The following DLGAP2 variants were observed in gnomAD, a reference collection of about 807,000 sequenced individuals.
DLGAP2 encodes the protein DLG associated protein 2, also known as disks large-associated protein 2.
In DLGAP2, 26 loss-of-function variants were observed where a neutral mutation model predicts 100.3. That is an observed-to-expected ratio of 0.26 (90% CI 0.19 to 0.36). DLGAP2 has a LOEUF of 0.36. Among genes scored for constraint, DLGAP2 ranks in the 10% least tolerant of loss-of-function variants. The probability of loss-of-function intolerance (pLI) is 1.00; values close to 1 mark genes in which losing one functional copy is unlikely to be tolerated. For missense variants in DLGAP2, 1,858 were observed against 1,453.2 expected (o/e 1.28, Z -4.53); for synonymous variants, 886 against 630.1 (o/e 1.41, Z -6.08).
intron 3 of DLGAP2, among the ~76,000 whole-genome samples, chr8:1,264,829 G>A (rs908693752): frequency 1.3e-5 from 2 of 152,178 alleles, no homozygotes; most frequent in African/African-American, 2.4e-5. Flanking sequence ...CCATGGGAGG[G>A]ACCCAGTGGG....
chr8:1,520,209 G>T (rs1800541356), intron 4 of DLGAP2, among the ~76,000 whole-genome samples: 2 of 152,226 alleles, frequency 1.3e-5, no homozygotes, highest in African/African-American at 4.8e-5. Context: ...CACAATGGCT[G>T]AGGAGAAGAA....
chr8:881,728 A>C (rs1233989814), intron 1 of DLGAP2, among the ~76,000 whole-genome samples: 1 of 142,754 alleles, frequency 7.0e-6, no homozygotes, highest in Non-Finnish European at 1.5e-5. Flanking sequence ...CATGTTGGCC[A>C]GGCTGGTCTC....
intron 3 of DLGAP2, among the ~76,000 whole-genome samples, chr8:1,277,751 C>T (rs899351847): frequency 6.6e-6 from 1 of 152,240 alleles, no homozygotes; most frequent in African/African-American, 2.4e-5. Context: ...TCAGGGAGCA[C>T]CCCCACCCTT....
At chr8:1,346,013 G>A (rs1033422499) in intron 3 of DLGAP2, among the ~76,000 whole-genome samples, 1 of 152,230 alleles carries the variant, frequency 6.6e-6, no homozygotes, top group Non-Finnish European at 1.5e-5. Context: ...CCTGTGTCCA[G>A]TGCAGATGGG....
At chr8:1,424,379 T>C (rs1797182672) in intron 3 of DLGAP2, among the ~76,000 whole-genome samples, 1 of 152,232 alleles carries the variant, frequency 6.6e-6, no homozygotes, top group Admixed American at 6.5e-5. Flanking sequence ...CATTTTTCTT[T>C]GGCCAGAGCA....
chr8:1,639,211 A>G (rs1171858710), intron 8 of DLGAP2, among the ~76,000 whole-genome samples: 2 of 152,004 alleles, frequency 1.3e-5, no homozygotes, highest in Non-Finnish European at 2.9e-5. Context: ...GGGTATAGAA[A>G]GAGAAGAGGC....
At chr8:1,267,827 G>C (rs946874767) in intron 3 of DLGAP2, among the ~76,000 whole-genome samples, 5 of 151,950 alleles carry the variant, frequency 3.3e-5, no homozygotes, top group Non-Finnish European at 5.9e-5. Flanking sequence ...CTGGTTCTAT[G>C]GGAATTCTGA....
chr8:1,633,080 G>T (rs1156392009), intron 8 of DLGAP2, 34 bp downstream of exon 8: 6 of 1,607,456 alleles, frequency 3.7e-6, no homozygotes, highest in Non-Finnish European at 5.1e-6. Context: ...TTCCAGCGGG[G>T]ACTCTAGAGG....
chr8:1,268,156 G>T (rs1011240876), intron 3 of DLGAP2, among the ~76,000 whole-genome samples: 1 of 152,144 alleles, frequency 6.6e-6, no homozygotes, highest in Non-Finnish European at 1.5e-5. Context: ...AATATCAGAG[G>T]TTCAGGTATT....
chr8:1,415,034 A>T (rs1796840263), intron 3 of DLGAP2, among the ~76,000 whole-genome samples: 1 of 152,024 alleles, frequency 6.6e-6, no homozygotes, highest in South Asian at 2.1e-4. Flanking sequence ...AAGAAAAAAA[A>T]TCAAGCATTT....
intron 1 of DLGAP2, among the ~76,000 whole-genome samples, chr8:803,001 C>T (rs985463471): frequency 6.6e-6 from 1 of 152,210 alleles, no homozygotes; most frequent in African/African-American, 2.4e-5. Flanking sequence ...TTCTTGGGAC[C>T]TTAAATCCTC....
At chr8:922,335 G>A (rs148844569) in intron 2 of DLGAP2, among the ~76,000 whole-genome samples, 34 of 152,240 alleles carry the variant, frequency 2.2e-4, no homozygotes, top group African/African-American at 6.5e-4. Context: ...GGACCCCTCC[G>A]GAGGGAAAAT....
intron 2 of DLGAP2, among the ~76,000 whole-genome samples, chr8:952,368 A>G (rs1357862082): frequency 2.0e-5 from 3 of 152,202 alleles, no homozygotes; most frequent in Admixed American, 2.0e-4. Context: ...GAACATTTCA[A>G]ATTATTTAGT....
intron 2 of DLGAP2, among the ~76,000 whole-genome samples, chr8:1,166,598 A>C (rs1021206663): frequency 6.6e-5 from 10 of 152,114 alleles, no homozygotes; most frequent in African/African-American, 2.4e-4. Context: ...TTATTTCTCC[A>C]ATTATTTTAT....
chr8:1,675,597 G>A (rs1798793519), intron 10 of DLGAP2, among the ~76,000 whole-genome samples: 1 of 152,172 alleles, frequency 6.6e-6, no homozygotes, highest in South Asian at 2.1e-4. Flanking sequence ...CCTCACAGGG[G>A]ACAGGGTCAG....
chr8:1,654,880 C>G (rs952817405), intron 8 of DLGAP2, among the ~76,000 whole-genome samples: 1 of 152,238 alleles, frequency 6.6e-6, no homozygotes, highest in Admixed American at 6.5e-5. Context: ...AAATTCTGTA[C>G]TTAGAAACAT....
chr8:941,998 T>C (rs1264988693), intron 2 of DLGAP2, among the ~76,000 whole-genome samples: 1 of 152,128 alleles, frequency 6.6e-6, no homozygotes. Flanking sequence ...CTTTAAAAAA[T>C]GGTCTTTTTT....
intron 3 of DLGAP2, among the ~76,000 whole-genome samples, chr8:1,361,112 G>A (rs557056701): frequency 2.0e-5 from 3 of 152,316 alleles, no homozygotes; most frequent in Admixed American, 1.3e-4. Context: ...TGGTGCAGAC[G>A]AGCTGAGATG....
chr8:1,677,294 C>G (rs965706564), intron 11 of DLGAP2, among the ~76,000 whole-genome samples: 3 of 152,136 alleles, frequency 2.0e-5, no homozygotes, highest in Non-Finnish European at 1.5e-5. Flanking sequence ...TTATGGCTTC[C>G]CCAGTTTCCA....
Sources: gnomAD v4.1 joint callset for allele counts (sites outside exome capture counted in the v4.1 genomes callset) on GRCh38, gnomAD v4.1.1 for gene constraint, MANE v1.5 for transcripts, NCBI Gene and HGNC (gene_info 2026-07-23, HGNC 2026-07-21) for gene names.